WDFY3: variants seen among roughly 807,000 people sequenced by gnomAD.
The protein encoded by WDFY3 is WD repeat and FYVE domain-containing protein 3.
In WDFY3, 66 loss-of-function variants were observed where a neutral mutation model predicts 409.6. That is an observed-to-expected ratio of 0.16 (90% CI 0.13 to 0.20). The LOEUF (loss-of-function observed/expected upper bound fraction) is 0.20. Among genes scored for constraint, WDFY3 ranks in the 10% least tolerant of loss-of-function variants. The probability of loss-of-function intolerance (pLI) is 1.00; values close to 1 mark genes in which losing one functional copy is unlikely to be tolerated. For missense variants in WDFY3, 3,031 were observed against 4,298.1 expected, an observed-to-expected ratio of 0.71 and a Z score of 8.24; for synonymous variants, 1,521 against 1,537.1, an observed-to-expected ratio of 0.99 and a Z score of 0.25.
chr4:84,794,432 A>G (rs1749026330), intron 21 of WDFY3, 87 bp downstream of exon 21: 4 of 1,267,536 alleles, frequency 3.2e-6, no homozygotes, highest in South Asian at 2.9e-5. Context: ...CTGAAAAGTT[A>G]TTATTAGCTG....
At chr4:84,761,439 C>G (rs915081355) in intron 32 of WDFY3, among the ~76,000 whole-genome samples, 1 of 152,080 alleles carries the variant, frequency 6.6e-6, no homozygotes, top group African/African-American at 2.4e-5. Context: ...GTGTGGGAGT[C>G]TAAGTCTCTT....
intron 1 of WDFY3, among the ~76,000 whole-genome samples, chr4:84,951,260 C>T (rs185971688): frequency 0.012 from 1,804 of 152,246 alleles, 17 homozygotes; most frequent in Non-Finnish European, 0.016. Context: ...CTATTTTCTT[C>T]GTTTGTTTTT....
chr4:84,898,395 C>T (rs1765915715), intron 2 of WDFY3, among the ~76,000 whole-genome samples: 1 of 152,148 alleles, frequency 6.6e-6, no homozygotes, highest in South Asian at 2.1e-4. Context: ...TGCCAGTGCC[C>T]AAGCCCGCAG....
At chr4:84,785,158 C>T (rs1350644991) in intron 24 of WDFY3, among the ~76,000 whole-genome samples, 1 of 152,028 alleles carries the variant, frequency 6.6e-6, no homozygotes, top group East Asian at 1.9e-4. Flanking sequence ...TCCATCAGAG[C>T]CAATGTCTTT....
intron 43 of WDFY3, 127 bp downstream of exon 43, chr4:84,734,916 C>A: frequency 1.3e-6 from 1 of 741,186 alleles, no homozygotes; most frequent in Non-Finnish European, 2.2e-6. Flanking sequence ...ATAATTAAAA[C>A]CATCATCTGA....
At chr4:84,926,238 T>C (rs1429553390) in intron 2 of WDFY3, among the ~76,000 whole-genome samples, 1 of 148,454 alleles carries the variant, frequency 6.7e-6, no homozygotes, top group Non-Finnish European at 1.5e-5. Flanking sequence ...CAATGTGATG[T>C]GGCCATACAA....
At chr4:84,868,090 A>T (rs1349987898) in intron 3 of WDFY3, among the ~76,000 whole-genome samples, 2 of 140,130 alleles carry the variant, frequency 1.4e-5, no homozygotes, top group Non-Finnish European at 3.1e-5. Context: ...AATGGCTTGA[A>T]CCCAGGAGGA....
At chr4:84,892,423 T>G (rs571322722) in intron 3 of WDFY3, among the ~76,000 whole-genome samples, 2 of 152,096 alleles carry the variant, frequency 1.3e-5, no homozygotes, top group Admixed American at 6.6e-5. Context: ...ATTTTAAAGG[T>G]TTTAAAATAC....
chr4:84,887,237 C>G (rs1578990570), intron 3 of WDFY3, among the ~76,000 whole-genome samples: 1 of 152,264 alleles, frequency 6.6e-6, no homozygotes, highest in East Asian at 1.9e-4. Flanking sequence ...AAAAGTACAT[C>G]AGGGAAACCT....
chr4:84,803,437 A>G lies in WDFY3; in HGVS notation c.2460T>C (p.Pro820=). ...CGGCAACATTTTTAGGAGGGTAAAC[A>G]GGGGGAGTTGAAACAGAATGATATG... The part of the protein sequence containing the change: ...RHAYHSVSTP[P]VYPPKNVADL... The change falls in exon 16 of 68, where the codon CCT becomes CCC. Residue 820 remains proline (P), a synonymous_variant. Coordinates refer to ENST00000295888, the MANE Select transcript of WDFY3 (RefSeq NM_014991.6). The G allele has an allele frequency of 1.9e-6, 3 of 1,613,778 alleles. No individual in the cohort carries two copies. Among genetic ancestry groups the G allele is most frequent in the Non-Finnish European group, 2.5e-6 (3 of 1,179,886 alleles).
At chr4:84,689,774 G>A (rs1204819675) in intron 61 of WDFY3, among the ~76,000 whole-genome samples, 4 of 152,080 alleles carry the variant, frequency 2.6e-5, no homozygotes, top group Non-Finnish European at 5.9e-5. Flanking sequence ...GAATTGTGTC[G>A]ACTAGAGTTT....
chr4:84,716,624 G>A (rs925394628), intron 49 of WDFY3, among the ~76,000 whole-genome samples: 7 of 150,266 alleles, frequency 4.7e-5, no homozygotes, highest in Admixed American at 2.0e-4. Flanking sequence ...AGGAAACCCC[G>A]TCTCTACTAA....
chr4:84,767,917 C>G (rs1268877081), intron 30 of WDFY3, among the ~76,000 whole-genome samples: 1 of 151,946 alleles, frequency 6.6e-6, no homozygotes, highest in Non-Finnish European at 1.5e-5. Context: ...GACCCTGTCT[C>G]TAAAAAAATG....
rs370627075 is a variant in WDFY3 at position 84,715,776 on chromosome 4, GAAAAAAA to G, written c.7876-400_7876-394del. On this transcript the variant is annotated intron_variant, in intron 49 of 67. Transcript: ENST00000295888. Reference sequence around the variant, plus strand: ...GGCAACAGAGCGAGACTCTGTCTCAGAAAAAAAAAAAAAAAAAAAAAAGAAGTTAATT... The same window carrying G: ...GGCAACAGAGCGAGACTCTGTCTCAGAAAAAAAAAAAAAAAGAAGTTAATT... Among the ~76,000 whole-genome samples, 49 of 46,456 alleles carry G rather than the reference GAAAAAAA, an allele frequency of 1.1e-3. 1 individual carries two copies. The East Asian group carries it at 0.023, about 22-fold the overall frequency. The allele number at this position is 46,456 out of a possible 152,430, so 30.5% of individuals were successfully genotyped here.
At chr4:84,938,912 T>C (rs1439753766) in intron 1 of WDFY3, among the ~76,000 whole-genome samples, 1 of 152,176 alleles carries the variant, frequency 6.6e-6, no homozygotes, top group Non-Finnish European at 1.5e-5. Flanking sequence ...CAATACTTTC[T>C]CTTATAAGGA....
intron 36 of WDFY3, among the ~76,000 whole-genome samples, chr4:84,746,145 C>CAA (rs761664622): frequency 1.4e-3 from 87 of 60,530 alleles, no homozygotes; most frequent in Middle Eastern, 0.01. Flanking sequence ...CTGTCTCTAC[C>CAA]AAAAAAAAAA....
At chr4:84,833,842 T>C (rs998520928) in intron 7 of WDFY3, among the ~76,000 whole-genome samples, 1 of 152,100 alleles carries the variant, frequency 6.6e-6, no homozygotes, top group Admixed American at 6.5e-5. Context: ...AAAACTTGCT[T>C]AGATATAAAA....
Position 84,730,122 on chromosome 4 carries a change from T to A in WDFY3, c.7222-3211A>T, listed in dbSNP as rs548760984. 3.9e-5 allele frequency among the ~76,000 whole-genome samples: 6 copies of A among 152,260 alleles called. No homozygotes were observed. The East Asian group carries it at 9.7e-4, about 25-fold the overall frequency. ...TTTAGTGGCCTTCACTTCCATTGAG[T>A]CCCTTTCAAAACCCTGGAAACAAAG... On this transcript the variant is annotated intron_variant, in intron 44 of 67. Transcript: ENST00000295888.
chr4:84,789,948 C>T (rs1315722260), intron 21 of WDFY3, 41 bp from the exon 22 acceptor site: 4 of 1,597,300 alleles, frequency 2.5e-6, no homozygotes, highest in Non-Finnish European at 3.4e-6. Flanking sequence ...TTTTCCAACA[C>T]CATCCCTATT....
Sources: gnomAD v4.1 joint callset for allele counts (sites outside exome capture counted in the v4.1 genomes callset) on GRCh38, gnomAD v4.1.1 for gene constraint, MANE v1.5 for transcripts, NCBI Gene and HGNC (gene_info 2026-07-23, HGNC 2026-07-21) for gene names.